The following ACSM3 variants were observed in gnomAD, a reference collection of about 807,000 sequenced individuals.
ACSM3 encodes acyl-CoA synthetase medium chain family member 3.
In ACSM3, 61 loss-of-function variants were observed where a neutral mutation model predicts 74.1. That is an observed-to-expected ratio of 0.82 (90% CI 0.67 to 1.02). The LOEUF (loss-of-function observed/expected upper bound fraction) is 1.02, where lower values mean the gene tolerates loss of function less well. Among genes scored for constraint, ACSM3 ranks in the 50% least tolerant of loss-of-function variants. The pLI, the probability that ACSM3 is intolerant of heterozygous loss-of-function variation, is 0.00. For synonymous variants in ACSM3, 213 were observed against 241.5 expected (o/e 0.88, Z 1.09); for missense variants, 660 against 697.0 (o/e 0.95, Z 0.60).
chr16:20,728,846 A>AC (rs35059624), intron 1 of ACSM3, among the ~76,000 whole-genome samples: 93,799 of 151,968 alleles, frequency 0.62, 30,084 homozygotes, highest in Non-Finnish European at 0.72. Context: ...AGTGGCTCAT[A>AC]CTGTAATTGC....
At chr16:20,778,603 G>A (rs1486818049) in intron 4 of ACSM3, among the ~76,000 whole-genome samples, 1 of 152,126 alleles carries the variant, frequency 6.6e-6, no homozygotes, top group Non-Finnish European at 1.5e-5. Context: ...ATCTGGCAGA[G>A]CTAAGTTTCA....
chr16:20,698,491 G>C (rs574263493), intron 1 of ACSM3, among the ~76,000 whole-genome samples: 53 of 152,000 alleles, frequency 3.5e-4, no homozygotes, highest in African/African-American at 1.3e-3. Flanking sequence ...TCTTGCTCTG[G>C]GCCTCACCTC....
intron 1 of ACSM3, chr16:20,682,338 A>G (rs766922435): frequency 1.2e-6 from 2 of 1,614,074 alleles, no homozygotes; most frequent in South Asian, 2.2e-5. Flanking sequence ...GGGCACTGAG[A>G]AGCTATGGAG....
chr16:20,675,439 G>A (rs1159683018), intron 1 of ACSM3, among the ~76,000 whole-genome samples: 1 of 152,152 alleles, frequency 6.6e-6, no homozygotes, highest in African/African-American at 2.4e-5. Context: ...CTGTGGCAGG[G>A]AAAGGCACGT....
intron 4 of ACSM3, 138 bp from the exon 5 acceptor site, chr16:20,780,576 C>T: frequency 6.4e-7 from 1 of 1,573,596 alleles, no homozygotes; most frequent in African/African-American, 1.3e-5. Flanking sequence ...TGGCTTTTAC[C>T]CTGTAATTCA....
intron 3 of ACSM3, among the ~76,000 whole-genome samples, chr16:20,757,340 A>G (rs2080039834): frequency 6.6e-6 from 1 of 150,474 alleles, no homozygotes; most frequent in South Asian, 2.1e-4. Flanking sequence ...CTCCTTGAAG[A>G]GGTCCTTCAC....
intron 1 of ACSM3, chr16:20,682,226 G>C (rs766973841): frequency 2.0e-5 from 32 of 1,604,104 alleles, no homozygotes; most frequent in African/African-American, 2.7e-5. Flanking sequence ...ACTGTACTCA[G>C]AGATTATATT....
chr16:20,701,240 G>C (rs761026334), intron 1 of ACSM3, among the ~76,000 whole-genome samples: 19 of 152,108 alleles, frequency 1.2e-4, no homozygotes, highest in Non-Finnish European at 2.5e-4. Context: ...CTTATAGGCT[G>C]TCTCTATCCT....
intron 1 of ACSM3, among the ~76,000 whole-genome samples, chr16:20,723,908 G>T (rs1257062520): frequency 6.6e-6 from 1 of 152,142 alleles, no homozygotes; most frequent in African/African-American, 2.4e-5. Flanking sequence ...GTCAATGTTG[G>T]CTTTTGTTGC....
In ACSM3 at chr16:20,741,572, C is replaced by G. The variant is rs571819321; in HGVS notation, c.-189-8338C>G. 6 of 1,582,268 alleles carry G rather than the reference C, an allele frequency of 3.8e-6. No homozygotes were observed. The East Asian group carries it at 1.4e-4, about 37-fold the overall frequency. On this transcript the variant is annotated intron_variant, in intron 1 of 3. Coordinates refer to the ACSM3 transcript ENST00000561584. Reference sequence around the variant, plus strand: ...GGAGGCTGTAGGCCTCCTCCACGCACTTGCGCTCGTTCATATTGCAGGTGA... The same window carrying G: ...GGAGGCTGTAGGCCTCCTCCACGCAGTTGCGCTCGTTCATATTGCAGGTGA...
In ACSM3 at chr16:20,777,240, T is replaced by C. The variant is rs13306611; in HGVS notation, c.431-133T>C. On this transcript the variant is annotated intron_variant, in intron 3 of 13. Coordinates refer to ENST00000289416, the MANE Select transcript of ACSM3 (RefSeq NM_005622.4). ...CAAAAGCAGATAAGTGAAAGCAAGA[T>C]AAATAGATATCTTCCTGGTAAACTG... is the stretch of plus-strand genomic sequence containing the variant. 6.5e-4 allele frequency: 545 copies of C among 840,784 alleles called. 4 individuals carry two copies. In the East Asian group the frequency reaches 0.013, roughly 20 times the overall value. 52.1% of individuals were successfully genotyped at this position (840,784 alleles called of 1,614,324 possible). A position where few individuals can be genotyped will look rare whatever the true frequency, so the allele number is the denominator to read the frequency against.
At chr16:20,715,433 G>A (rs901536520) in intron 1 of ACSM3, among the ~76,000 whole-genome samples, 2 of 151,956 alleles carry the variant, frequency 1.3e-5, no homozygotes, top group South Asian at 2.1e-4. Flanking sequence ...GTGAAACCCC[G>A]TCTCCACTAA....
chr16:20,737,115 T>G, intron 1 of ACSM3: 1 of 1,614,248 alleles, frequency 6.2e-7, no homozygotes, highest in East Asian at 2.2e-5. Flanking sequence ...TGAGTTAAGC[T>G]GTGACGGATC....
chr16:20,687,362 T>C (rs2079571922), intron 1 of ACSM3, among the ~76,000 whole-genome samples: 2 of 152,164 alleles, frequency 1.3e-5, no homozygotes, highest in South Asian at 4.1e-4. Context: ...CAGCCATTTA[T>C]ACGGGAAAAT....
chr16:20,745,999 G>T (rs1016730563), intron 1 of ACSM3, among the ~76,000 whole-genome samples: 1 of 152,144 alleles, frequency 6.6e-6, no homozygotes, highest in Non-Finnish European at 1.5e-5. Context: ...TTCAGAGTAG[G>T]TATCAAGTAC....
upstream of ACSM3, among the ~76,000 whole-genome samples, chr16:20,762,166 T>A (rs1436566759): frequency 2.0e-5 from 3 of 152,210 alleles, no homozygotes; most frequent in Non-Finnish European, 4.4e-5. Flanking sequence ...CTCTGCCTTA[T>A]GCCTCTTGGA....
At chr16:20,747,344 A>G (rs1296307196) in intron 1 of ACSM3, among the ~76,000 whole-genome samples, 1 of 152,204 alleles carries the variant, frequency 6.6e-6, no homozygotes, top group Non-Finnish European at 1.5e-5. Context: ...TGGCAAGGTC[A>G]CAAGATATGC....
At chr16:20,769,719 G>A (rs1355879525) in intron 1 of ACSM3, among the ~76,000 whole-genome samples, 1 of 152,112 alleles carries the variant, frequency 6.6e-6, no homozygotes, top group African/African-American at 2.4e-5. Flanking sequence ...ATAGTTCTGG[G>A]TTCAAATCCA....
chr16:20,782,443 G>A (rs1055563092), intron 7 of ACSM3, among the ~76,000 whole-genome samples: 5 of 152,060 alleles, frequency 3.3e-5, no homozygotes, highest in East Asian at 1.9e-4. Context: ...TCATTCTTAC[G>A]CTATTGCATC....
Sources: allele counts gnomAD v4.1 joint callset (sites outside exome capture counted in the v4.1 genomes callset), GRCh38; gene constraint gnomAD v4.1.1; transcripts MANE v1.5; gene names NCBI Gene and HGNC (gene_info 2026-07-23, HGNC 2026-07-21).